Variants in RNLS observed in about 807,000 individuals in gnomAD.
The protein encoded by RNLS is renalase.
RNLS carries 39 observed loss-of-function variants against 39.8 expected under a neutral mutation model. That is an observed-to-expected ratio of 0.98 (90% CI 0.76 to 1.28). RNLS has a LOEUF of 1.28. Among genes scored for constraint, RNLS ranks in the 50% most tolerant of loss-of-function variants. The pLI is 0.00. For synonymous variants in RNLS, 147 were observed against 150.7 expected (o/e 0.98, Z 0.18); for missense variants, 410 against 413.3 (o/e 0.99, Z 0.07).
the RNLS span, among the ~76,000 whole-genome samples, chr10:88,265,170 G>C: frequency 2.0e-5 from 3 of 151,874 alleles, no homozygotes; most frequent in Non-Finnish European, 4.4e-5. Context: ...TTCTGGGTTC[G>C]CTTTTCTGTT....
intron 4 of RNLS, among the ~76,000 whole-genome samples, chr10:88,471,209 T>C (rs1843501737): frequency 6.6e-6 from 1 of 152,054 alleles, no homozygotes; most frequent in Non-Finnish European, 1.5e-5. Context: ...TTCCATAATA[T>C]TACTATTAAG....
chr10:88,496,833 T>G (rs1334443324), intron 4 of RNLS, among the ~76,000 whole-genome samples: 2 of 152,138 alleles, frequency 1.3e-5, no homozygotes, highest in African/African-American at 4.8e-5. Flanking sequence ...AACTATAATC[T>G]ACTTAGTCTT....
At chr10:88,435,858 T>C (rs1435995700) in intron 4 of RNLS, among the ~76,000 whole-genome samples, 2 of 152,178 alleles carry the variant, frequency 1.3e-5, no homozygotes, top group African/African-American at 2.4e-5. Context: ...ATCCATGTTG[T>C]TGTTACAGTC....
intron 4 of RNLS, among the ~76,000 whole-genome samples, chr10:88,372,835 T>C (rs1283770514): frequency 6.6e-6 from 1 of 152,186 alleles, no homozygotes; most frequent in Non-Finnish European, 1.5e-5. Flanking sequence ...ACAGAACACA[T>C]ACACTAAGTC....
intron 4 of RNLS, among the ~76,000 whole-genome samples, chr10:88,400,444 T>C (rs921979850): frequency 6.6e-6 from 1 of 152,020 alleles, no homozygotes; most frequent in Non-Finnish European, 1.5e-5. Context: ...CTGAATATAC[T>C]CTTTCCTCTT....
chr10:88,411,107 C>A (rs1175950226), intron 4 of RNLS, among the ~76,000 whole-genome samples: 2 of 152,140 alleles, frequency 1.3e-5, no homozygotes, highest in African/African-American at 4.8e-5. Context: ...TCATCTCAGC[C>A]AACGAGCTCT....
At chr10:88,329,156 C>T (rs145665080) in intron 5 of RNLS, among the ~76,000 whole-genome samples, 1 of 151,310 alleles carries the variant, frequency 6.6e-6, no homozygotes, top group African/African-American at 2.4e-5. Flanking sequence ...CAGCCTTGAA[C>T]TCTCAGACTC....
chr10:88,285,105 T>C lies in RNLS; in HGVS notation c.*249A>G. 1 of 933,568 alleles carries C rather than the reference T, an allele frequency of 1.1e-6. No homozygotes were observed. The highest frequency in any genetic ancestry group is 5.3e-4 in the Middle Eastern group (1 of 1,902). 57.8% of individuals were successfully genotyped at this position (933,568 alleles called of 1,614,324 possible). A position where few individuals can be genotyped will look rare whatever the true frequency, so the allele number is the denominator to read the frequency against. On this transcript the variant is annotated 3_prime_UTR_variant, in exon 7 of 7. Coordinates refer to ENST00000331772, the MANE Select transcript of RNLS (RefSeq NM_001031709.3). ...GTTATTTTTTAAGTACCACTTTTCC[T>C]CCAACAAGGAGTAGTCATAGCAATT...
At chr10:88,331,969 C>A (rs1186738711) in intron 5 of RNLS, among the ~76,000 whole-genome samples, 1 of 152,136 alleles carries the variant, frequency 6.6e-6, no homozygotes, top group Admixed American at 6.5e-5. Flanking sequence ...AGTAAACATG[C>A]TCCTGATGTC....
intron 4 of RNLS, among the ~76,000 whole-genome samples, chr10:88,529,231 G>A (rs771291264): frequency 2.0e-5 from 3 of 152,106 alleles, no homozygotes; most frequent in Non-Finnish European, 4.4e-5. Context: ...AAAATCCAGC[G>A]TCTTCCTCTA....
chr10:88,369,305 G>C (rs1367801236), intron 4 of RNLS, among the ~76,000 whole-genome samples: 1 of 152,096 alleles, frequency 6.6e-6, no homozygotes, highest in Non-Finnish European at 1.5e-5. Flanking sequence ...TCTCTGCTTT[G>C]ATCTGTGCCC....
chr10:88,225,569 TCAGATGTGGTGG>T, the RNLS span, among the ~76,000 whole-genome samples: 1 of 151,812 alleles, frequency 6.6e-6, no homozygotes, highest in Non-Finnish European at 1.5e-5. Flanking sequence ...TAAAAATTAG[TCAGATGTGGTGG>T]CAGGCATCTG....
chr10:88,209,166 A>G, the RNLS span, among the ~76,000 whole-genome samples: 1 of 152,040 alleles, frequency 6.6e-6, no homozygotes, highest in Non-Finnish European at 1.5e-5. Context: ...AAAAAAATAT[A>G]TTTGCTCTGG....
chr10:88,381,324 TTTC>T (rs1851474737), intron 4 of RNLS, among the ~76,000 whole-genome samples: 1 of 152,146 alleles, frequency 6.6e-6, no homozygotes, highest in South Asian at 2.1e-4. Context: ...TTTTAGAAGT[TTTC>T]TTCATCTACT....
intron 4 of RNLS, among the ~76,000 whole-genome samples, chr10:88,394,117 A>C (rs1001497836): frequency 2.0e-5 from 3 of 152,254 alleles, no homozygotes; most frequent in African/African-American, 7.2e-5. Flanking sequence ...AATACCATTA[A>C]GGACATAGGC....
chr10:88,470,647 G>A (rs896428336), intron 4 of RNLS, among the ~76,000 whole-genome samples: 13 of 136,348 alleles, frequency 9.5e-5, no homozygotes, highest in East Asian at 4.2e-4. Context: ...ACAGAGTCTC[G>A]CTCTGTTGCC....
chr10:88,253,753 C>T, the RNLS span, among the ~76,000 whole-genome samples: 9 of 152,174 alleles, frequency 5.9e-5, no homozygotes, highest in African/African-American at 2.2e-4. Flanking sequence ...CTGTGAAGAA[C>T]GAGAAGCTTG....
intron 4 of RNLS, among the ~76,000 whole-genome samples, chr10:88,555,119 G>C (rs189614142): frequency 3.7e-4 from 57 of 152,028 alleles, no homozygotes; most frequent in Admixed American, 3.6e-3. Flanking sequence ...TTCATGGAGA[G>C]GGGAGGATTA....
intron 6 of RNLS, among the ~76,000 whole-genome samples, chr10:88,312,643 T>C (rs1410015392): frequency 1.6e-4 from 25 of 152,198 alleles, no homozygotes; most frequent in Non-Finnish European, 1.5e-5. Context: ...CTCATCACTA[T>C]AGAGAGTTAA....
Sources: allele counts gnomAD v4.1 joint callset (sites outside exome capture counted in the v4.1 genomes callset), GRCh38; gene constraint gnomAD v4.1.1; transcripts MANE v1.5; gene names NCBI Gene and HGNC (gene_info 2026-07-23, HGNC 2026-07-21).